Variants in LRRIQ3 observed in about 807,000 individuals in gnomAD.
LRRIQ3 encodes the protein leucine rich repeats and IQ motif containing 3, also known as leucine-rich repeat and IQ domain-containing protein 3.
Under a neutral mutation model 59.3 loss-of-function variants are expected in LRRIQ3, and 75 were observed. The ratio of observed to expected loss-of-function variants is 1.26; its 90% confidence interval spans 1.05 to 1.53. LRRIQ3 has a LOEUF of 1.53. Ranked by LOEUF, LRRIQ3 falls within the 40% of genes most tolerant of loss-of-function variation. The pLI, the probability that LRRIQ3 is intolerant of heterozygous loss-of-function variation, is 0.00. For missense variants in LRRIQ3, 831 were observed against 710.0 expected (o/e 1.17, Z -1.94); for synonymous variants, 250 against 231.3 (o/e 1.08, Z -0.73).
At chr1:74,123,995 T>G (rs897232517) in intron 4 of LRRIQ3, among the ~76,000 whole-genome samples, 1 of 152,016 alleles carries the variant, frequency 6.6e-6, no homozygotes, top group Admixed American at 6.6e-5. Context: ...AAAACAGACA[T>G]CTACAGATGT....
At chr1:74,068,764 AG>A (rs1486027466) in intron 6 of LRRIQ3, among the ~76,000 whole-genome samples, 4 of 151,984 alleles carry the variant, frequency 2.6e-5, no homozygotes, top group East Asian at 1.9e-4. Flanking sequence ...GGAGTAATTT[AG>A]TTGATATTAT....
At chr1:74,113,937 T>C (rs1186113252) in intron 4 of LRRIQ3, among the ~76,000 whole-genome samples, 3 of 151,712 alleles carry the variant, frequency 2.0e-5, no homozygotes, top group Admixed American at 6.6e-5. Context: ...AACATATATA[T>C]ATAAATCCCC....
intron 7 of LRRIQ3, among the ~76,000 whole-genome samples, chr1:74,031,347 G>A (rs1324325325): frequency 1.3e-5 from 2 of 152,064 alleles, no homozygotes; most frequent in African/African-American, 4.8e-5. Flanking sequence ...CAAAAGCAAA[G>A]ACTTGGAACT....
intron 6 of LRRIQ3, among the ~76,000 whole-genome samples, chr1:74,063,255 A>C (rs7524306): frequency 0.85 from 128,987 of 151,982 alleles, 55,625 homozygotes; most frequent in East Asian, 0.97. Flanking sequence ...GAATAAAGAA[A>C]ATGTTTTGTA....
chr1:74,169,531 T>C (rs1230637374), intron 3 of LRRIQ3, among the ~76,000 whole-genome samples: 4 of 152,188 alleles, frequency 2.6e-5, no homozygotes, highest in African/African-American at 9.6e-5. Flanking sequence ...CCACCAACAG[T>C]GTACAAAGGT....
chr1:74,112,889 C>G (rs1484209403), intron 4 of LRRIQ3, among the ~76,000 whole-genome samples: 2 of 151,938 alleles, frequency 1.3e-5, no homozygotes, highest in Non-Finnish European at 2.9e-5. Flanking sequence ...CCTAAAATGT[C>G]TAATTTTAAA....
intron 4 of LRRIQ3, among the ~76,000 whole-genome samples, chr1:74,143,245 T>A (rs181938895): frequency 6.6e-6 from 1 of 152,104 alleles, no homozygotes; most frequent in East Asian, 1.9e-4. Context: ...AATATTTAAT[T>A]ATGAAAATTG....
chr1:74,164,369 C>G (rs993493816), intron 3 of LRRIQ3, among the ~76,000 whole-genome samples: 1 of 151,290 alleles, frequency 6.6e-6, no homozygotes, highest in Non-Finnish European at 1.5e-5. Context: ...GAAATTTGGA[C>G]ACAAACACTT....
At chr1:74,175,694 T>C (rs560530206) in intron 3 of LRRIQ3, among the ~76,000 whole-genome samples, 2 of 152,338 alleles carry the variant, frequency 1.3e-5, no homozygotes, top group South Asian at 4.1e-4. Context: ...AGTTACTAAA[T>C]TGGTGCTTCT....
chr1:74,114,689 G>A (rs947652010), intron 4 of LRRIQ3, among the ~76,000 whole-genome samples: 29 of 151,168 alleles, frequency 1.9e-4, no homozygotes, highest in African/African-American at 5.8e-4. Context: ...GAGCAGAGAC[G>A]GAGCCACTGA....
At chr1:74,173,685 AT>A (rs1211323281) in intron 3 of LRRIQ3, among the ~76,000 whole-genome samples, 2 of 152,020 alleles carry the variant, frequency 1.3e-5, no homozygotes, top group Admixed American at 6.5e-5. Flanking sequence ...TCAGTAACAA[AT>A]TTTGTTTAGA....
At chr1:74,029,267 G>A (rs1013182248) in intron 7 of LRRIQ3, among the ~76,000 whole-genome samples, 3 of 152,108 alleles carry the variant, frequency 2.0e-5, no homozygotes, top group Non-Finnish European at 4.4e-5. Flanking sequence ...TAGGAGTGGC[G>A]AGAGAGGGCA....
chr1:74,096,620 C>T (rs1017986365), intron 5 of LRRIQ3, among the ~76,000 whole-genome samples: 26 of 152,092 alleles, frequency 1.7e-4, no homozygotes, highest in African/African-American at 5.8e-4. Context: ...GGGGGAGAAG[C>T]GCTCTGATTT....
At chr1:74,077,188 T>C (rs1276731926) in intron 5 of LRRIQ3, among the ~76,000 whole-genome samples, 2 of 152,062 alleles carry the variant, frequency 1.3e-5, no homozygotes, top group African/African-American at 4.8e-5. Flanking sequence ...CTGCAAGTCC[T>C]CTTCAAGTTG....
intron 3 of LRRIQ3, among the ~76,000 whole-genome samples, chr1:74,173,013 C>A (rs534711694): frequency 1.3e-5 from 2 of 152,132 alleles, no homozygotes. Context: ...TTTTAAAAAT[C>A]CATTCAGGCC....
At chr1:74,168,680 T>C (rs887446851) in intron 3 of LRRIQ3, among the ~76,000 whole-genome samples, 1 of 152,184 alleles carries the variant, frequency 6.6e-6, no homozygotes, top group Admixed American at 6.6e-5. Context: ...TTTTCTTCTC[T>C]TGATTTCCTA....
At chr1:74,034,673 T>G (rs1653815917) in intron 7 of LRRIQ3, among the ~76,000 whole-genome samples, 1 of 150,640 alleles carries the variant, frequency 6.6e-6, no homozygotes. Context: ...CACCACAAAG[T>G]GTACACTAAA....
At chr1:74,197,535 A>G (rs1192555174) in intron 1 of LRRIQ3, among the ~76,000 whole-genome samples, 1 of 152,210 alleles carries the variant, frequency 6.6e-6, no homozygotes, top group Non-Finnish European at 1.5e-5. Context: ...GTGTTATTGA[A>G]CATTCTAGAT....
intron 4 of LRRIQ3, among the ~76,000 whole-genome samples, chr1:74,146,970 G>C (rs1308100475): frequency 6.6e-6 from 1 of 152,194 alleles, no homozygotes; most frequent in Non-Finnish European, 1.5e-5. Flanking sequence ...GCTCATACTT[G>C]TAATCCCAGC....
Sources: allele counts gnomAD v4.1 joint callset (sites outside exome capture counted in the v4.1 genomes callset), GRCh38; gene constraint gnomAD v4.1.1; transcripts MANE v1.5; gene names NCBI Gene and HGNC (gene_info 2026-07-23, HGNC 2026-07-21).